The following DAB2IP variants were observed in gnomAD, a reference collection of about 807,000 sequenced individuals.
DAB2IP encodes DAB2 interacting protein.
Under a neutral mutation model 107.2 loss-of-function variants are expected in DAB2IP, and 28 were observed. The ratio of observed to expected loss-of-function variants is 0.26; its 90% CI spans 0.19 to 0.36. DAB2IP has a LOEUF of 0.36. Among genes scored for constraint, DAB2IP ranks in the 10% least tolerant of loss-of-function variants. The probability of loss-of-function intolerance (pLI) is 1.00; values close to 1 mark genes in which losing one functional copy is unlikely to be tolerated. For synonymous variants in DAB2IP, 755 were observed against 706.4 expected (o/e 1.07, Z -1.09); for missense variants, 1,400 against 1,644.7 (o/e 0.85, Z 2.57).
intron 1 of DAB2IP, among the ~76,000 whole-genome samples, chr9:121,676,514 C>A (rs572653217): frequency 6.6e-6 from 1 of 152,216 alleles, no homozygotes; most frequent in Non-Finnish European, 1.5e-5. Flanking sequence ...CCCTGTCCTT[C>A]TTCTCCCTTG....
rs1832454074 is a variant in DAB2IP, at chr9:121,644,147, G to T, written c.41-34531G>T. ...AATCCCACCACTGCATTTCAGCCTG[G>T]GCAACAGAGCGAGACCTTGTCTAAA... On this transcript the variant is annotated intron_variant, in intron 1 of 16. Coordinates refer to the DAB2IP transcript ENST00000259371. Among the ~76,000 whole-genome samples the T allele has an allele frequency of 3.3e-5, 5 of 151,356 alleles. No homozygotes were observed. In the South Asian group the frequency reaches 1.0e-3, roughly 32 times the overall value.
At chr9:121,591,450 A>G (rs1348478765) in intron 1 of DAB2IP, among the ~76,000 whole-genome samples, 1 of 152,158 alleles carries the variant, frequency 6.6e-6, no homozygotes, top group Non-Finnish European at 1.5e-5. Context: ...GCCTTGGGCA[A>G]CAGAGTGAGA....
chr9:121,686,466 C>T (rs1306888018), intron 2 of DAB2IP, among the ~76,000 whole-genome samples: 2 of 152,172 alleles, frequency 1.3e-5, no homozygotes, highest in African/African-American at 4.8e-5. Context: ...TGAACTGGTT[C>T]CCGTTAAGGT....
At position 121,699,574 on chromosome 9, in the gene DAB2IP, C is replaced by A; in HGVS notation, c.362+116C>A. 1 of 944,548 alleles carries A rather than the reference C, an allele frequency of 1.1e-6. No individual in the cohort carries two copies. Among genetic ancestry groups the A allele is most frequent in the Non-Finnish European group, 1.3e-6 (1 of 757,348 alleles). 58.5% of individuals were successfully genotyped at this position (944,548 alleles called of 1,614,324 possible). A position where few individuals can be genotyped will look rare whatever the true frequency, so the allele number is the denominator to read the frequency against. ...GCGAGCCACACGGCGGTGGGGGGAC[C>A]CCACGCCGCCCGCCGGGAACTTATG... is the stretch of plus-strand genomic sequence containing the variant. On this transcript the variant is annotated intron_variant, in intron 3 of 15. Transcript: ENST00000408936. The surrounding 1 kb of genome is among the most constrained non-coding windows in gnomAD (Gnocchi z 6.2).
chr9:121,605,276 C>T (rs1317319945), intron 1 of DAB2IP, among the ~76,000 whole-genome samples: 2 of 152,282 alleles, frequency 1.3e-5, no homozygotes, highest in East Asian at 1.9e-4. Flanking sequence ...CCGCCTCAGG[C>T]TCCCAAAGTG....
intron 1 of DAB2IP, among the ~76,000 whole-genome samples, chr9:121,609,407 C>T (rs1831007631): frequency 6.6e-6 from 1 of 152,194 alleles, no homozygotes; most frequent in South Asian, 2.1e-4. Flanking sequence ...CTGCCACTGA[C>T]AAGCTCCCAG....
At position 121,699,929 on chromosome 9, in the gene DAB2IP, A is replaced by G. The variant is rs1367887877; in HGVS notation, c.362+471A>G. 2.6e-5 allele frequency among the ~76,000 whole-genome samples: 4 copies of G among 152,152 alleles called. No individual in the cohort carries two copies. The highest frequency in any genetic ancestry group is 5.9e-5 in the Non-Finnish European group (4 of 68,010). On this transcript the variant is annotated intron_variant, in intron 3 of 15. Coordinates refer to ENST00000408936, the Ensembl canonical transcript of DAB2IP. This position sits in a 1 kb window ranked among gnomAD's most constrained non-coding sequence, Gnocchi z 6.2. Reference sequence around the variant, plus strand: ...GCTGCCCGTGGTGAGGGGAAGGGTGAACATCTGGAGGGGAGGAGCAGGGGG... The same window carrying G: ...GCTGCCCGTGGTGAGGGGAAGGGTGGACATCTGGAGGGGAGGAGCAGGGGG...
chr9:121,610,387 G>A (rs1251554847), intron 1 of DAB2IP, among the ~76,000 whole-genome samples: 1 of 152,158 alleles, frequency 6.6e-6, no homozygotes, highest in Non-Finnish European at 1.5e-5. Flanking sequence ...AGCCCATTTA[G>A]TTCTCACAAT....
At chr9:121,705,764 C>T (rs534000037) in intron 3 of DAB2IP, among the ~76,000 whole-genome samples, 6 of 152,316 alleles carry the variant, frequency 3.9e-5, no homozygotes, top group Non-Finnish European at 8.8e-5. Context: ...GGCCCAGGTG[C>T]CAGGCCTGAC....
intron 2 of DAB2IP, among the ~76,000 whole-genome samples, chr9:121,696,062 T>C (rs1294280665): frequency 6.6e-6 from 1 of 151,948 alleles, no homozygotes; most frequent in East Asian, 1.9e-4. Context: ...AGAGACGGGG[T>C]TTTGCCATCT....
intron 3 of DAB2IP, among the ~76,000 whole-genome samples, chr9:121,706,169 T>C (rs1830049315): frequency 1.3e-5 from 2 of 152,208 alleles, no homozygotes; most frequent in Non-Finnish European, 1.5e-5. Context: ...AGTGCATCCA[T>C]CTGCGAGGTG....
At chr9:121,756,121 G>A (rs1209754718) in intron 3 of DAB2IP, among the ~76,000 whole-genome samples, 2 of 152,174 alleles carry the variant, frequency 1.3e-5, no homozygotes, top group Non-Finnish European at 2.9e-5. Context: ...CCACCGTGGG[G>A]GCTGGGGGCT....
chr9:121,586,544 A>C (rs1375776287), intron 1 of DAB2IP, among the ~76,000 whole-genome samples: 1 of 152,102 alleles, frequency 6.6e-6, no homozygotes. Context: ...GAAACCTGTT[A>C]TGCAGCCTGA....
At chr9:121,612,520 G>A (rs780267592) in intron 1 of DAB2IP, among the ~76,000 whole-genome samples, 33 of 152,274 alleles carry the variant, frequency 2.2e-4, no homozygotes, top group Non-Finnish European at 4.6e-4. Flanking sequence ...CACAGTCCCC[G>A]TGAGCTTGTT....
chr9:121,719,703 G>T (rs965064938), intron 3 of DAB2IP, among the ~76,000 whole-genome samples: 2 of 152,348 alleles, frequency 1.3e-5, no homozygotes, highest in Middle Eastern at 6.8e-3. Context: ...TCATCTCTTA[G>T]TGCTTACAGT....
At chr9:121,638,392 A>G (rs1300395788) in intron 1 of DAB2IP, among the ~76,000 whole-genome samples, 1 of 152,138 alleles carries the variant, frequency 6.6e-6, no homozygotes, top group Non-Finnish European at 1.5e-5. Flanking sequence ...GGATTTTGGT[A>G]TCCTGGATCC....
In DAB2IP at chr9:121,760,007, G is replaced by A. The variant is rs757069664; in HGVS notation, c.738G>A (p.Thr246=). The A allele has an allele frequency of 1.8e-5, 29 of 1,614,196 alleles. No individual in the cohort carries two copies. The highest frequency in any genetic ancestry group is 6.7e-5 in the East Asian group (3 of 44,874). ...ACGATGTGCTCTATGCCCGCACCAC[G>A]GGCAAGCTCAAGACGGACAATGTTT... Residue 246 remains threonine, a synonymous_variant, in exon 6 of 16, where the codon ACG becomes ACA. Coordinates refer to ENST00000408936, the Ensembl canonical transcript of DAB2IP. This position sits in a 1 kb window ranked among gnomAD's most constrained non-coding sequence, Gnocchi z 5.9.
intron 5 of DAB2IP, 144 bp downstream of exon 5, chr9:121,759,140 G>T: frequency 1.3e-6 from 1 of 760,322 alleles, no homozygotes. Flanking sequence ...GGACAATATT[G>T]GTGGACTCTG....
intron 1 of DAB2IP, among the ~76,000 whole-genome samples, chr9:121,580,159 C>T (rs1264197667): frequency 6.6e-6 from 1 of 152,158 alleles, no homozygotes; most frequent in Non-Finnish European, 1.5e-5. Context: ...ATTGTTGGAG[C>T]CCTGGTCTTT....
Sources: gnomAD v4.1 joint callset for allele counts (sites outside exome capture counted in the v4.1 genomes callset) on GRCh38, gnomAD v4.1.1 for gene constraint, Gnocchi (gnomAD v3.1) non-coding constraint, MANE v1.5 for transcripts, NCBI Gene and HGNC (gene_info 2026-07-23, HGNC 2026-07-21) for gene names.